Variants in ZNF398 observed in about 807,000 individuals in gnomAD.
ZNF398 encodes the protein zinc finger protein 398, also known as zinc finger DNA binding protein ZER6.
ZNF398 carries 18 observed loss-of-function variants against 41.9 expected under a neutral mutation model. The observed-to-expected ratio is 0.43, with a 90% CI of 0.30 to 0.64. The LOEUF is 0.64. ZNF398 is among the 30% of genes least tolerant of loss of function. ZNF398 has a pLI of 0.14. For synonymous variants in ZNF398, 260 were observed against 308.8 expected (o/e 0.84, Z 1.66); for missense variants, 669 against 822.8 (o/e 0.81, Z 2.29).
rs1375992241 is a variant in ZNF398, at chr7:149,147,598, G to C, written c.-145G>C. 1.2e-5 allele frequency: 11 copies of C among 923,584 alleles called. No individual in the cohort carries two copies. The highest frequency in any genetic ancestry group is 1.5e-5 in the Non-Finnish European group (11 of 719,104). The allele number at this position is 923,584 out of a possible 1,614,324, so 57.2% of individuals were successfully genotyped here. A position where few individuals can be genotyped will look rare whatever the true frequency, so the allele number is the denominator to read the frequency against. On this transcript the variant is annotated 5_prime_UTR_variant, in exon 1 of 6. Coordinates refer to ENST00000475153, the MANE Select transcript of ZNF398 (RefSeq NM_170686.3). The surrounding 1 kb of genome is among the most constrained non-coding windows in gnomAD (Gnocchi z 5.6). ...GCGTCCCGAGCCCCGACGGCCGCGTGAGTCCCGTCCGTGCGGGGAAGGCAG... is the reference window on the plus strand; with the variant it reads ...GCGTCCCGAGCCCCGACGGCCGCGTCAGTCCCGTCCGTGCGGGGAAGGCAG...
At chr7:149,143,084 A>C (rs1826861192), upstream of ZNF398, among the ~76,000 whole-genome samples, 1 of 152,078 alleles carries the variant, frequency 6.6e-6, no homozygotes, top group Non-Finnish European at 1.5e-5. Flanking sequence ...TTAATGTATT[A>C]ATGATGTAAT....
chr7:149,159,490 C>CA lies in ZNF398; in HGVS notation c.420+5158dup, dbSNP rs543452577. ...TGAAACCCCGTCTCTACTAAAAATA[C>CA]AAAAAAAATTAGCCGGGCATGGTGG... On this transcript the variant is annotated intron_variant, in intron 2 of 5. Transcript: ENST00000475153. Among the ~76,000 whole-genome samples the CA allele has an allele frequency of 8.8e-3, 1,334 of 150,754 alleles. 10 individuals carry two copies. The highest frequency in any genetic ancestry group is 0.016 in the African/African-American group (652 of 41,206).
In ZNF398 at chr7:149,147,707, G is replaced by GCGA; in HGVS notation, c.-34_-32dup. Reference sequence around the variant, plus strand: ...CGCGGTGGCAGCGGCGGCAGCGGCGGCGACTTCCGAGGCCCGGGCTAGACA... The same window carrying GCGA: ...CGCGGTGGCAGCGGCGGCAGCGGCGGCGACGACTTCCGAGGCCCGGGCTAGACA... On this transcript the variant is annotated 5_prime_UTR_variant, in exon 1 of 6. Transcript: ENST00000475153. The surrounding 1 kb of genome is among the most constrained non-coding windows in gnomAD (Gnocchi z 5.6). 1.6e-6 allele frequency: 2 copies of GCGA among 1,288,430 alleles called. No individual in the cohort carries two copies. Among genetic ancestry groups the GCGA allele is most frequent in the Non-Finnish European group, 2.0e-6 (2 of 1,020,692 alleles). 79.8% of individuals were successfully genotyped at this position (1,288,430 alleles called of 1,614,324 possible).
At chr7:149,129,957 C>T (rs757929938) in intron 2 of ZNF398, among the ~76,000 whole-genome samples, 5 of 152,230 alleles carry the variant, frequency 3.3e-5, no homozygotes, top group South Asian at 2.1e-4. Flanking sequence ...TGTGCCACCA[C>T]GCCTGGCTAT....
intron 4 of ZNF398, among the ~76,000 whole-genome samples, chr7:149,171,605 C>A (rs1239982203): frequency 2.6e-5 from 4 of 151,950 alleles, no homozygotes; most frequent in African/African-American, 9.7e-5. Context: ...TTCCTGACCT[C>A]ATGATCCACC....
At chr7:149,141,888 C>CCTAATCCACAG (rs1216496970) in intron 2 of ZNF398, among the ~76,000 whole-genome samples, 21 of 152,164 alleles carry the variant, frequency 1.4e-4, no homozygotes, top group Non-Finnish European at 2.4e-4. Context: ...TGCGCCCGGC[C>CCTAATCCACAG]CTAATCCACA....
chr7:149,154,801 C>T (rs2129520400), intron 2 of ZNF398, among the ~76,000 whole-genome samples: 1 of 151,644 alleles, frequency 6.6e-6, no homozygotes, highest in South Asian at 2.1e-4. Context: ...CCATCCTGGC[C>T]AACGTGAGGA....
chr7:149,151,114 G>A (rs554463228), intron 1 of ZNF398: 17 of 516,128 alleles, frequency 3.3e-5, no homozygotes, highest in Non-Finnish European at 4.2e-5. Flanking sequence ...TGGGACAAGC[G>A]GCATGGAGGG....
At chr7:149,142,306 T>G (rs1177904522) in intron 2 of ZNF398, among the ~76,000 whole-genome samples, 1 of 152,078 alleles carries the variant, frequency 6.6e-6, no homozygotes, top group African/African-American at 2.4e-5. Flanking sequence ...ATATTGAAAA[T>G]GTCTTATATA....
intron 1 of ZNF398, among the ~76,000 whole-genome samples, chr7:149,150,293 A>C (rs1187355264): frequency 6.6e-6 from 1 of 152,118 alleles, no homozygotes; most frequent in Non-Finnish European, 1.5e-5. Flanking sequence ...TCACCTGGGA[A>C]TTTGTTAAAA....
rs192899260 is a variant in ZNF398 at position 149,174,423 on chromosome 7, C to T, written c.662-2045C>T. On this transcript the variant is annotated intron_variant, in intron 4 of 5. Coordinates refer to ENST00000475153, the MANE Select transcript of ZNF398 (RefSeq NM_170686.3). ...CAGGGTGGTCTTGAACTCCTGACCT[C>T]GTGACCTGCCCACCTCAGCCTCCCA... Among the ~76,000 whole-genome samples, 650 of 152,034 alleles carry T rather than the reference C, an allele frequency of 4.3e-3. 2 individuals are homozygous for T. Among genetic ancestry groups the T allele is most frequent in the Non-Finnish European group, 7.6e-3 (518 of 67,964 alleles).
Position 149,167,634 on chromosome 7 carries a change from C to CTTT in ZNF398, c.661+720_661+722dup, listed in dbSNP as rs1163487497. On this transcript the variant is annotated intron_variant, in intron 4 of 5. Transcript: ENST00000475153. ...ATAGTTATTTTTTTCTTTTTCTTTT[C>CTTT]TTTTTTTTTTTTTTTTTTGAGACGG... Among the ~76,000 whole-genome samples, 27 of 133,968 alleles carry CTTT rather than the reference C, an allele frequency of 2.0e-4. 1 individual carries two copies. Among genetic ancestry groups the CTTT allele is most frequent in the Admixed American group, 9.2e-4 (12 of 13,008 alleles). 87.9% of individuals were successfully genotyped at this position (133,968 alleles called of 152,430 possible).
chr7:149,162,403 C>T (rs1344604052), intron 2 of ZNF398, among the ~76,000 whole-genome samples: 9 of 152,136 alleles, frequency 5.9e-5, no homozygotes, highest in Non-Finnish European at 1.0e-4. Flanking sequence ...AGGATGGTCT[C>T]GATCTCCTGA....
Position 149,181,962 on chromosome 7 carries a change from A to T in ZNF398, c.*2161A>T, listed in dbSNP as rs2129522204. ...AGGGAGAAGAGCCAAAGTATTGTCT[A>T]GGTGCTGAGTTCCCTTTTCTGAGTG... On this transcript the variant is annotated 3_prime_UTR_variant, in exon 6 of 6. Transcript: ENST00000475153. 1 of 152,326 alleles carries T rather than the reference A, an allele frequency of 6.6e-6. No individual in the cohort carries two copies. Among genetic ancestry groups the T allele is most frequent in the East Asian group, 1.9e-4 (1 of 5,186 alleles). 9.4% of individuals were successfully genotyped at this position (152,326 alleles called of 1,614,324 possible).
At chr7:149,162,147 G>A (rs1039443729) in intron 2 of ZNF398, among the ~76,000 whole-genome samples, 5 of 151,994 alleles carry the variant, frequency 3.3e-5, no homozygotes, top group Non-Finnish European at 7.4e-5. Context: ...TCAGCCTCCC[G>A]AGTGGCTGGG....
rs961279899 is a variant in ZNF398, at chr7:149,166,261, A to G, written c.524A>G (p.Asn175Ser). The G allele has an allele frequency of 1.2e-6, 2 of 1,614,166 alleles. No homozygotes were observed. Among genetic ancestry groups the G allele is most frequent in the Non-Finnish European group, 1.7e-6 (2 of 1,180,014 alleles). Residue 175 changes from asparagine (N) to serine (S), a missense_variant, in exon 3 of 6, where the codon AAC becomes AGC. Transcript: ENST00000475153. ...CTTTACAAGAATATCATGAAGGGCAACTACGAGTCTCTCATCTCCATGGGT... is the reference window on the plus strand; with the variant it reads ...CTTTACAAGAATATCATGAAGGGCAGCTACGAGTCTCTCATCTCCATGGGT... ...KELYKNIMKGNYESLISMDYA... is the reference protein window; with the variant it reads ...KELYKNIMKGSYESLISMDYA...
chr7:149,138,033 C>T (rs1826749788), intron 2 of ZNF398, among the ~76,000 whole-genome samples: 1 of 151,224 alleles, frequency 6.6e-6, no homozygotes, highest in Non-Finnish European at 1.5e-5. Flanking sequence ...AACCCCATCT[C>T]TACTAAAAAT....
At chr7:149,155,731 A>ATTTTTTTTTTTTTTTTT (rs1235445656) in intron 2 of ZNF398, among the ~76,000 whole-genome samples, 1 of 56,930 alleles carries the variant, frequency 1.8e-5, no homozygotes, top group African/African-American at 5.6e-5. Flanking sequence ...TTTTTTTTTA[A>ATTTTTTTTTTTTTTTTT]TTTTTTTTTT....
chr7:149,148,122 C>G (rs1347467884), intron 1 of ZNF398: 2 of 261,170 alleles, frequency 7.7e-6, no homozygotes, highest in East Asian at 1.3e-4. Context: ...GTCAGCCATT[C>G]TCGCGGCCGC....
Sources: allele counts gnomAD v4.1 joint callset (sites outside exome capture counted in the v4.1 genomes callset), GRCh38; gene constraint gnomAD v4.1.1; non-coding constraint Gnocchi (gnomAD v3.1); transcripts MANE v1.5; gene names NCBI Gene and HGNC (gene_info 2026-07-23, HGNC 2026-07-21).